The following ELP4 variants were observed in gnomAD, a reference collection of about 807,000 sequenced individuals.
ELP4 encodes the protein elongator acetyltransferase complex subunit 4, also known as elongator complex protein 4.
ELP4 carries 51 observed loss-of-function variants against 48.9 expected under a neutral mutation model. The observed-to-expected ratio is 1.04, with a 90% CI of 0.83 to 1.32. ELP4 has a LOEUF of 1.32. ELP4 is among the 40% of genes most tolerant of loss of function. The probability of loss-of-function intolerance (pLI) is 0.00; values close to 1 mark genes in which losing one functional copy is unlikely to be tolerated. For missense variants in ELP4, 519 were observed against 514.6 expected, an observed-to-expected ratio of 1.01 and a Z score of -0.08; for synonymous variants, 210 against 189.2, an observed-to-expected ratio of 1.11 and a Z score of -0.90.
intron 3 of ELP4, among the ~76,000 whole-genome samples, chr11:31,578,285 G>A (rs1957321525): frequency 1.3e-5 from 2 of 151,680 alleles, no homozygotes; most frequent in East Asian, 1.9e-4. Context: ...CTCAGCGAAA[G>A]AAGAGAATAC....
rs112398157 is a variant in ELP4 at position 31,730,625 on chromosome 11, C to G, written c.1144-52768C>G. 5.9e-5 allele frequency among the ~76,000 whole-genome samples: 9 copies of G among 152,136 alleles called. No homozygotes were observed. The South Asian group carries it at 1.7e-3, about 28-fold the overall frequency. On this transcript the variant is annotated intron_variant, in intron 9 of 9. Transcript: ENST00000640961. ...TGTCATCTCTCTCAGAGCACTGACA[C>G]GGCCTGGCATACTCTAGATGCATTA...
At chr11:31,540,953 A>G (rs1306519803) in intron 3 of ELP4, among the ~76,000 whole-genome samples, 1 of 152,210 alleles carries the variant, frequency 6.6e-6, no homozygotes, top group East Asian at 1.9e-4. Flanking sequence ...TTTCCCTCAG[A>G]GAGGACACTT....
At chr11:31,717,930 G>C (rs1946874766) in intron 9 of ELP4, among the ~76,000 whole-genome samples, 1 of 152,002 alleles carries the variant, frequency 6.6e-6, no homozygotes, top group African/African-American at 2.4e-5. Flanking sequence ...CGCATCCATA[G>C]TTGACTCATA....
chr11:31,675,155 A>C (rs1055450878), intron 9 of ELP4, among the ~76,000 whole-genome samples: 3 of 152,188 alleles, frequency 2.0e-5, no homozygotes, highest in Non-Finnish European at 4.4e-5. Flanking sequence ...TCACTGTCAG[A>C]AGTGAAGAGT....
At chr11:31,561,075 A>G (rs1457147183) in intron 3 of ELP4, among the ~76,000 whole-genome samples, 4 of 152,280 alleles carry the variant, frequency 2.6e-5, no homozygotes, top group Middle Eastern at 3.4e-3. Flanking sequence ...ATGACTTTCT[A>G]TCACCCACAC....
At chr11:31,520,120 C>A in intron 2 of ELP4, 29 bp downstream of exon 2, 1 of 1,589,578 alleles carries the variant, frequency 6.3e-7, no homozygotes, top group Non-Finnish European at 8.6e-7. Context: ...CTTTGCTCTC[C>A]TCTATCATTG....
chr11:31,747,643 T>A (rs11031469), intron 9 of ELP4, among the ~76,000 whole-genome samples: 1 of 152,114 alleles, frequency 6.6e-6, no homozygotes, highest in African/African-American at 2.4e-5. Context: ...CTGAGATACA[T>A]TGAAAAGGCA....
intron 9 of ELP4, among the ~76,000 whole-genome samples, chr11:31,702,327 CAATAATAATA>C (rs1946542707): frequency 6.6e-6 from 1 of 151,276 alleles, no homozygotes; most frequent in South Asian, 2.1e-4. Context: ...ATAACAATAA[CAATAATAATA>C]ATAATAATAA....
Position 31,787,744 on chromosome 11 carries a change from G to A in ELP4, c.*4220G>A, listed in dbSNP as rs530026066. 1 of 229,210 alleles carries A rather than the reference G, an allele frequency of 4.4e-6. No homozygotes were observed. The highest frequency in any genetic ancestry group is 8.7e-6 in the Non-Finnish European group (1 of 115,458). The allele number at this position is 229,210 out of a possible 1,614,324, so 14.2% of individuals were successfully genotyped here. On this transcript the variant is annotated 3_prime_UTR_variant, in exon 10 of 10. Coordinates refer to ENST00000640961, the MANE Select transcript of ELP4 (RefSeq NM_019040.5). ...TGTCTCCAAATGTGCAGCAACTCTG[G>A]TGGAATAAAATTATTAGTATATTTC...
chr11:31,787,137 A>G lies in ELP4; in HGVS notation c.*3613A>G, dbSNP rs565884645. The G allele has an allele frequency of 2.5e-4, 57 of 232,522 alleles. No homozygotes were observed. In the East Asian group the frequency reaches 3.4e-3, roughly 14 times the overall value. 14.4% of individuals were successfully genotyped at this position (232,522 alleles called of 1,614,324 possible). On this transcript the variant is annotated 3_prime_UTR_variant, in exon 10 of 10. Transcript: ENST00000640961. ...AGAGAGTGCCTGGAGCTCTGTTTGG[A>G]AGGACAGCTCATGTCCCTAGGGTGT...
intron 5 of ELP4, among the ~76,000 whole-genome samples, chr11:31,606,235 T>C (rs2134005999): frequency 6.6e-6 from 1 of 152,230 alleles, no homozygotes; most frequent in Middle Eastern, 3.4e-3. Context: ...GTAATTAAAT[T>C]AATTTTCAAA....
At chr11:31,536,122 A>G (rs138536094) in intron 2 of ELP4, among the ~76,000 whole-genome samples, 1 of 152,232 alleles carries the variant, frequency 6.6e-6, no homozygotes, top group East Asian at 1.9e-4. Context: ...GTAGTAATCC[A>G]TTTAGGAATA....
chr11:31,533,186 AC>A, intron 2 of ELP4, among the ~76,000 whole-genome samples: 1 of 151,698 alleles, frequency 6.6e-6, no homozygotes, highest in South Asian at 2.1e-4. Context: ...TTAAACCTTT[AC>A]CCCCTTACCA....
intron 9 of ELP4, among the ~76,000 whole-genome samples, chr11:31,772,818 C>T (rs1033850025): frequency 6.6e-6 from 1 of 152,136 alleles, no homozygotes; most frequent in Non-Finnish European, 1.5e-5. Flanking sequence ...AAAAAATTAT[C>T]AATCTCTGCC....
At position 31,666,617 on chromosome 11, in the gene ELP4, G is replaced by A. The variant is rs185221243; in HGVS notation, c.1143+16396G>A. The stretch of plus-strand genomic sequence containing the variant: ...TGAGGCAGGAGAATCACTTGAACCC[G>A]GGAGGCGGAGATTGCAGTGAGCCGA... On this transcript the variant is annotated intron_variant, in intron 9 of 9. Coordinates refer to ENST00000640961, the MANE Select transcript of ELP4 (RefSeq NM_019040.5). Among the ~76,000 whole-genome samples the A allele has an allele frequency of 2.1e-3, 320 of 151,392 alleles. 1 individual carries two copies. The highest frequency in any genetic ancestry group is 7.2e-3 in the African/African-American group (299 of 41,276).
intron 5 of ELP4, among the ~76,000 whole-genome samples, chr11:31,621,339 G>C (rs191604350): frequency 4.9e-4 from 75 of 151,998 alleles, no homozygotes; most frequent in African/African-American, 1.8e-3. Flanking sequence ...ATATCAAGTA[G>C]TTAAATCAAT....
At chr11:31,654,321 T>A in intron 9 of ELP4, 1 of 151,704 alleles carries the variant, frequency 6.6e-6, no homozygotes, top group South Asian at 2.1e-4. Flanking sequence ...TTAACACTAC[T>A]TGTGTAGGCT....
At chr11:31,545,541 C>A (rs1441301859) in intron 3 of ELP4, among the ~76,000 whole-genome samples, 1 of 152,056 alleles carries the variant, frequency 6.6e-6, no homozygotes, top group East Asian at 1.9e-4. Context: ...GAGAATGGAA[C>A]CAAGTTGGAA....
intron 9 of ELP4, among the ~76,000 whole-genome samples, chr11:31,680,472 A>C (rs1946031341): frequency 6.6e-6 from 1 of 152,172 alleles, no homozygotes; most frequent in African/African-American, 2.4e-5. Flanking sequence ...GTTTCACAGA[A>C]GATCCTCTGA....
Sources: gnomAD v4.1 joint callset for allele counts (sites outside exome capture counted in the v4.1 genomes callset) on GRCh38, gnomAD v4.1.1 for gene constraint, MANE v1.5 for transcripts, NCBI Gene and HGNC (gene_info 2026-07-23, HGNC 2026-07-21) for gene names.